DOCK8: variants seen among roughly 807,000 people sequenced by gnomAD.
The protein encoded by DOCK8 is dedicator of cytokinesis 8, also known as dedicator of cytokinesis protein 8.
A neutral mutation model predicts 245.6 loss-of-function variants in DOCK8; 141 were observed. The ratio of observed to expected loss-of-function variants is 0.57; its 90% CI spans 0.50 to 0.66. The LOEUF (loss-of-function observed/expected upper bound fraction) is 0.66, where lower values mean the gene tolerates loss of function less well. Among genes scored for constraint, DOCK8 ranks in the 30% least tolerant of loss-of-function variants. The pLI is 0.00. For synonymous variants in DOCK8, 1,168 were observed against 970.2 expected (o/e 1.20, Z -3.79); for missense variants, 2,965 against 2,603.4 (o/e 1.14, Z -3.02).
At chr9:233,176 G>A (rs2047159501) in intron 1 of DOCK8, among the ~76,000 whole-genome samples, 1 of 152,160 alleles carries the variant, frequency 6.6e-6, no homozygotes, top group African/African-American at 2.4e-5. Context: ...TTCAGGAGCA[G>A]GTTGTTCAGT....
At chr9:434,396 A>G (rs2131749083) in intron 38 of DOCK8, among the ~76,000 whole-genome samples, 2 of 152,314 alleles carry the variant, frequency 1.3e-5, no homozygotes, top group Middle Eastern at 6.8e-3. Context: ...AGGAGAAATT[A>G]CTTACAGAGG....
At chr9:336,779 C>A (rs2051332143) in intron 12 of DOCK8, 61 bp downstream of exon 12, 21 of 1,601,686 alleles carry the variant, frequency 1.3e-5, no homozygotes, top group Non-Finnish European at 1.8e-5. Context: ...GCACTGGAAC[C>A]CACAGGAGGA....
intron 16 of DOCK8, 73 bp downstream of exon 16, chr9:370,373 G>C (rs2053231585): frequency 4.4e-6 from 6 of 1,361,928 alleles, no homozygotes; most frequent in Non-Finnish European, 5.3e-6. Context: ...AAGTCCCGTG[G>C]GTGGTTCCTC....
At position 290,386 on chromosome 9, in the gene DOCK8, C is replaced by T. The variant is rs67438083; in HGVS notation, c.404+805C>T. Among the ~76,000 whole-genome samples the T allele has an allele frequency of 8.8e-3, 1,338 of 152,128 alleles. 15 individuals are homozygous for T. The highest frequency in any genetic ancestry group is 0.031 in the Middle Eastern group (9 of 294). On this transcript the variant is annotated intron_variant, in intron 4 of 47. Transcript: ENST00000432829. ...GGCCCAGGGAAGCCAAAAGTTTGGG[C>T]ACCTGGAATAGAGCCTTTTTGTTGT...
At position 368,004 on chromosome 9, in the gene DOCK8, C is replaced by T; in HGVS notation, c.1680-14C>T. 1 of 1,590,834 alleles carries T rather than the reference C, an allele frequency of 6.3e-7. No individual in the cohort carries two copies. Among genetic ancestry groups the T allele is most frequent in the Non-Finnish European group, 8.6e-7 (1 of 1,158,936 alleles). On this transcript the variant is annotated splice_polypyrimidine_tract_variant and intron_variant, in intron 14 of 47. Transcript: ENST00000432829. Reference sequence around the variant, plus strand: ...TAGACCTTTTTCATTGATTCTTTATCTCTTCTTTTCCAGAAACCTTCTCTA... The same window carrying T: ...TAGACCTTTTTCATTGATTCTTTATTTCTTCTTTTCCAGAAACCTTCTCTA...
At chr9:449,733 T>TA in intron 44 of DOCK8, 51 bp from the exon 45 acceptor site, 2 of 1,611,540 alleles carry the variant, frequency 1.2e-6, no homozygotes, top group South Asian at 2.2e-5. Context: ...GGCTTGTCCA[T>TA]AGCTTATGAG....
At chr9:411,195 C>G (rs1303789698) in intron 28 of DOCK8, among the ~76,000 whole-genome samples, 1 of 152,036 alleles carries the variant, frequency 6.6e-6, no homozygotes, top group Non-Finnish European at 1.5e-5. Flanking sequence ...AGTGGATCAC[C>G]TGAGGTCAAG....
chr9:373,163 T>C (rs1478258971), intron 18 of DOCK8, among the ~76,000 whole-genome samples: 4 of 152,054 alleles, frequency 2.6e-5, no homozygotes, highest in Non-Finnish European at 4.4e-5. Context: ...TGAGACTCCA[T>C]CTCAAAATAA....
At chr9:357,652 C>T (rs2052509182) in intron 14 of DOCK8, among the ~76,000 whole-genome samples, 1 of 151,900 alleles carries the variant, frequency 6.6e-6, no homozygotes, top group African/African-American at 2.4e-5. Flanking sequence ...CCCTGATGTT[C>T]AGAGTACAGT....
chr9:436,796 C>T (rs2056919076), intron 39 of DOCK8, among the ~76,000 whole-genome samples: 1 of 152,122 alleles, frequency 6.6e-6, no homozygotes, highest in African/African-American at 2.4e-5. Context: ...TTATTCTGTC[C>T]TCATGAACGT....
Position 334,228 on chromosome 9 carries a change from A to G in DOCK8, c.1129A>G (p.Lys377Glu). ...VIKESDGGKS[K>E]EKIEKLKLQA... Reference sequence around the variant, plus strand: ...GTTTCTTTCCATTTTCCTCCAGAGTAAAGAAAAGATTGAAAAACTAAAACT... The same window carrying G: ...GTTTCTTTCCATTTTCCTCCAGAGTGAAGAAAAGATTGAAAAACTAAAACT... The change falls in exon 11 of 48, where the codon AAA becomes GAA. Residue 377 changes from lysine to glutamate, a missense_variant. By Grantham distance (56) the Lys-to-Glu change is moderately conservative. Coordinates refer to ENST00000432829, the MANE Select transcript of DOCK8 (RefSeq NM_203447.4). The G allele has an allele frequency of 1.2e-6, 2 of 1,614,184 alleles. No homozygotes were observed. The highest frequency in any genetic ancestry group is 1.7e-6 in the Non-Finnish European group (2 of 1,180,026).
chr9:303,935 T>A (rs566105487), intron 4 of DOCK8, among the ~76,000 whole-genome samples: 2 of 152,196 alleles, frequency 1.3e-5, no homozygotes, highest in Non-Finnish European at 2.9e-5. Flanking sequence ...CATGTTGGTT[T>A]CTCTAGTCAT....
intron 1 of DOCK8, among the ~76,000 whole-genome samples, chr9:228,471 A>G (rs1012839583): frequency 7.2e-5 from 11 of 152,176 alleles, no homozygotes; most frequent in Non-Finnish European, 1.5e-4. Flanking sequence ...TTTTATATTT[A>G]TCTTCATATG....
intron 46 of DOCK8, among the ~76,000 whole-genome samples, chr9:455,771 T>A (rs934257516): frequency 1.4e-4 from 21 of 150,844 alleles, no homozygotes; most frequent in African/African-American, 2.0e-4. Flanking sequence ...TCCCAAAAAA[T>A]AAATAAATAA....
chr9:352,560 A>C (rs1395182347), intron 14 of DOCK8, among the ~76,000 whole-genome samples: 1 of 151,896 alleles, frequency 6.6e-6, no homozygotes, highest in Non-Finnish European at 1.5e-5. Flanking sequence ...TGGCCAACAT[A>C]GTGAAACCCC....
chr9:305,141 G>A (rs1293673643), intron 5 of DOCK8, among the ~76,000 whole-genome samples: 1 of 152,058 alleles, frequency 6.6e-6, no homozygotes, highest in Admixed American at 6.5e-5. Context: ...TTCCTCCCCT[G>A]GGAAACAAGG....
chr9:424,627 C>G (rs4741886), intron 33 of DOCK8, among the ~76,000 whole-genome samples: 102,301 of 151,962 alleles, frequency 0.67, 35,171 homozygotes, highest in East Asian at 0.95. Context: ...CCAGGCTGGT[C>G]TAAAACTCCT....
chr9:398,826 T>C (rs1453435704), intron 25 of DOCK8, among the ~76,000 whole-genome samples: 1 of 150,988 alleles, frequency 6.6e-6, no homozygotes, highest in Non-Finnish European at 1.5e-5. Context: ...AAAAAAAAAG[T>C]TACCAGGATA....
intron 4 of DOCK8, among the ~76,000 whole-genome samples, chr9:292,096 G>A (rs958066979): frequency 9.2e-5 from 11 of 119,212 alleles, no homozygotes; most frequent in Non-Finnish European, 7.1e-5. Flanking sequence ...AAAAAGCCAG[G>A]CACGGTGCTC....
Sources: allele counts gnomAD v4.1 joint callset (sites outside exome capture counted in the v4.1 genomes callset), GRCh38; gene constraint gnomAD v4.1.1; transcripts MANE v1.5; gene names NCBI Gene and HGNC (gene_info 2026-07-23, HGNC 2026-07-21).